ZYG11A: variants seen among roughly 807,000 people sequenced by gnomAD.
ZYG11A encodes protein zyg-11 homolog A.
ZYG11A carries 62 observed loss-of-function variants against 77.2 expected under a neutral mutation model. The observed-to-expected ratio is 0.80, with a 90% CI of 0.65 to 0.99. ZYG11A has a LOEUF of 0.99. Ranked by LOEUF, ZYG11A falls within the 50% of genes least tolerant of loss-of-function variation. The probability of loss-of-function intolerance (pLI) is 0.00; values close to 1 mark genes in which losing one functional copy is unlikely to be tolerated. For synonymous variants in ZYG11A, 315 were observed against 324.6 expected, an observed-to-expected ratio of 0.97 and a Z score of 0.32; for missense variants, 828 against 896.8, an observed-to-expected ratio of 0.92 and a Z score of 0.98.
At chr1:52,885,693 G>T in intron 11 of ZYG11A, 140 bp from the exon 12 acceptor site, 1 of 623,822 alleles carries the variant, frequency 1.6e-6, no homozygotes, top group Non-Finnish European at 2.8e-6. Context: ...AAGATATTGT[G>T]TGTATATAAT....
In ZYG11A at chr1:52,842,870, C is replaced by G. The variant is rs1261939795; in HGVS notation, c.-14C>G. The G allele has an allele frequency of 3.9e-6, 6 of 1,528,924 alleles. No homozygotes were observed. Among genetic ancestry groups the G allele is most frequent in the Non-Finnish European group, 5.3e-6 (6 of 1,137,628 alleles). 94.7% of individuals were successfully genotyped at this position (1,528,924 alleles called of 1,614,324 possible). On this transcript the variant is annotated 5_prime_UTR_variant, in exon 1 of 14. Transcript: ENST00000371528. Reference sequence around the variant, plus strand: ...CGCCGGCTCTCTTTTTGACGCCCCGCCGCCGGGGTTGCCATGGTTCATTTC... The same window carrying G: ...CGCCGGCTCTCTTTTTGACGCCCCGGCGCCGGGGTTGCCATGGTTCATTTC...
intron 5 of ZYG11A, among the ~76,000 whole-genome samples, chr1:52,865,153 G>C (rs887291199): frequency 6.6e-6 from 1 of 151,868 alleles, no homozygotes; most frequent in African/African-American, 2.4e-5. Flanking sequence ...TGTTGGCCAG[G>C]GTGGTCTCGA....
chr1:52,868,609 G>A (rs1204606505), intron 8 of ZYG11A, among the ~76,000 whole-genome samples: 2 of 151,790 alleles, frequency 1.3e-5, no homozygotes, highest in Admixed American at 6.6e-5. Flanking sequence ...GTGAAACCCC[G>A]TCTCTACTAA....
chr1:52,871,921 C>T (rs1646174803), intron 8 of ZYG11A, among the ~76,000 whole-genome samples: 2 of 152,122 alleles, frequency 1.3e-5, no homozygotes, highest in South Asian at 4.1e-4. Flanking sequence ...TCTTTCATGT[C>T]CTCCAGAAGT....
At chr1:52,888,054 A>G (rs1326718450) in intron 13 of ZYG11A, among the ~76,000 whole-genome samples, 6 of 152,192 alleles carry the variant, frequency 3.9e-5, no homozygotes, top group Non-Finnish European at 7.3e-5. Flanking sequence ...GCCAGCAAAA[A>G]TCAGAAAATG....
At position 52,857,592 on chromosome 1, in the gene ZYG11A, T is replaced by C. The variant is rs1181890812; in HGVS notation, c.851T>C (p.Leu284Pro). The C allele has an allele frequency of 6.4e-7, 1 of 1,551,996 alleles. No homozygotes were observed. The highest frequency in any genetic ancestry group is 2.4e-5 in the East Asian group (1 of 40,918). The change falls in exon 3 of 14, where the codon CTG becomes CCG. Residue 284 changes from leucine (L) to proline (P), a missense_variant. By Grantham distance (98) the Leu-to-Pro change is moderately conservative (BLOSUM62 -3). Transcript: ENST00000371528. ...CATTTGCTACAGCAGAAGGATATCC[T>C]GCCCAATGTTGTGTCATTGGATATT... ...AFHLLQQKDILPNVVSLDISG... is the reference protein window; with the variant it reads ...AFHLLQQKDIPPNVVSLDISG...
At chr1:52,859,978 C>T (rs1252954103) in intron 3 of ZYG11A, among the ~76,000 whole-genome samples, 2 of 152,088 alleles carry the variant, frequency 1.3e-5, no homozygotes, top group African/African-American at 4.8e-5. Context: ...GTGCCCCGGC[C>T]TACTGTCTTG....
rs149550594 is a variant in ZYG11A, at chr1:52,891,619, C to A, written c.2105-1163C>A. ...TTCTCCTCTCCTACTCCCGTATACC[C>A]CTACAGCCCCATCCATGACAGAGAT... On this transcript the variant is annotated intron_variant, in intron 13 of 13. Coordinates refer to ENST00000371528, the MANE Select transcript of ZYG11A (RefSeq NM_001004339.3). Among the ~76,000 whole-genome samples, 63 of 151,976 alleles carry A rather than the reference C, an allele frequency of 4.1e-4. 1 individual carries two copies. The highest frequency in any genetic ancestry group is 1.5e-3 in the African/African-American group (61 of 41,294).
Position 52,892,934 on chromosome 1 carries a change from ACTCT to A in ZYG11A, c.2258_2261del (p.Thr753SerfsTer103). ...GCATTTCATGAATTATCAGAGGCCC[ACTCT>A]GTGTCAAATGCCCTTCTGAACCTAA... On this transcript the variant is annotated frameshift_variant, in exon 14 of 14. Transcript: ENST00000371528. LOFTEE classifies it low-confidence loss of function (END_TRUNC). 1.3e-6 allele frequency: 2 copies of A among 1,551,732 alleles called. No individual in the cohort carries two copies. The highest frequency in any genetic ancestry group is 1.7e-6 in the Non-Finnish European group (2 of 1,147,008).
intron 1 of ZYG11A, 78 bp downstream of exon 1, chr1:52,843,051 A>C (rs1457779154): frequency 7.7e-7 from 1 of 1,305,334 alleles, no homozygotes; most frequent in Non-Finnish European, 1.0e-6. Flanking sequence ...GTCTCCTGGG[A>C]CGCTGCCGAG....
At chr1:52,857,889 GATT>G (rs1645846474) in intron 3 of ZYG11A, 140 bp downstream of exon 3, 1 of 610,124 alleles carries the variant, frequency 1.6e-6, no homozygotes, top group East Asian at 2.9e-5. Flanking sequence ...AATAATTAAT[GATT>G]ATTATGTACC....
At chr1:52,864,211 A>G in intron 5 of ZYG11A, 54 bp downstream of exon 5, 1 of 1,507,656 alleles carries the variant, frequency 6.6e-7, no homozygotes, top group Non-Finnish European at 9.0e-7. Context: ...TAATAGTCTC[A>G]GCTCTGTTGC....
Position 52,856,980 on chromosome 1 carries a change from G to A in ZYG11A, c.257-18G>A. 6.6e-7 allele frequency: 1 copy of A among 1,512,722 alleles called. No individual in the cohort carries two copies. The highest frequency in any genetic ancestry group is 8.9e-7 in the Non-Finnish European group (1 of 1,126,386). 93.7% of individuals were successfully genotyped at this position (1,512,722 alleles called of 1,614,324 possible). ...GAGATCTAGTTGTCATTACAAGTTG[G>A]TTCTGGTTCTTTCATAGGCAAGCTG... On this transcript the variant is annotated intron_variant, in intron 2 of 13. Coordinates refer to ENST00000371528, the MANE Select transcript of ZYG11A (RefSeq NM_001004339.3).
intron 1 of ZYG11A, among the ~76,000 whole-genome samples, chr1:52,850,697 G>A: frequency 6.6e-6 from 1 of 152,080 alleles, no homozygotes; most frequent in Non-Finnish European, 1.5e-5. Flanking sequence ...CTTGTGATCT[G>A]CCCGCCTCGG....
At chr1:52,870,872 C>T (rs578129328) in intron 8 of ZYG11A, among the ~76,000 whole-genome samples, 6 of 139,020 alleles carry the variant, frequency 4.3e-5, no homozygotes, top group Admixed American at 2.2e-4. Context: ...AGAGGGAGAC[C>T]GTGGGGAGGG....
chr1:52,866,477 A>C (rs774076796), intron 5 of ZYG11A, 26 bp from the exon 6 acceptor site: 244 of 1,309,228 alleles, frequency 1.9e-4, no homozygotes, highest in Non-Finnish European at 2.2e-4. Flanking sequence ...ATTTGTTCAA[A>C]ATTATTTTTC....
chr1:52,843,876 C>T (rs1645508321), intron 1 of ZYG11A, among the ~76,000 whole-genome samples: 1 of 151,894 alleles, frequency 6.6e-6, no homozygotes, highest in Admixed American at 6.6e-5. Flanking sequence ...TTAGTAGAGA[C>T]GGGGTTTCAC....
At chr1:52,881,698 A>G (rs1646365505) in intron 11 of ZYG11A, 33 bp downstream of exon 11, 1 of 1,456,320 alleles carries the variant, frequency 6.9e-7, no homozygotes, top group Non-Finnish European at 9.3e-7. Context: ...TATAAAATCC[A>G]GAGTAATCTC....
chr1:52,879,587 ATCAT>A (rs1646325992), intron 10 of ZYG11A, among the ~76,000 whole-genome samples: 1 of 152,238 alleles, frequency 6.6e-6, no homozygotes, highest in South Asian at 2.1e-4. Context: ...AATAAGTGTA[ATCAT>A]TGAGGAACAC....
Sources: allele counts gnomAD v4.1 joint callset (sites outside exome capture counted in the v4.1 genomes callset), GRCh38; gene constraint gnomAD v4.1.1; transcripts MANE v1.5; gene names NCBI Gene and HGNC (gene_info 2026-07-23, HGNC 2026-07-21).